The following GSE1 variants were observed in gnomAD, a reference collection of about 807,000 sequenced individuals.
GSE1 encodes the protein genetic suppressor element 1.
Under a neutral mutation model 112.6 loss-of-function variants are expected in GSE1, and 32 were observed. The observed-to-expected ratio is 0.28, with a 90% CI of 0.21 to 0.38. The LOEUF is 0.38. GSE1 is among the 10% of genes least tolerant of loss of function. GSE1 has a pLI of 1.00. For missense variants in GSE1, 2,348 were observed against 1,699.2 expected, an observed-to-expected ratio of 1.38 and a Z score of -6.71; for synonymous variants, 1,115 against 735.6, an observed-to-expected ratio of 1.52 and a Z score of -8.35.
chr16:85,561,323 G>A (rs540816136), intron 1 of GSE1, among the ~76,000 whole-genome samples: 2 of 152,158 alleles, frequency 1.3e-5, no homozygotes, highest in Non-Finnish European at 2.9e-5. Flanking sequence ...GCAGGGCGCC[G>A]ATCCTGGGCA....
chr16:85,333,444 C>T (rs898564868), intron 1 of GSE1, among the ~76,000 whole-genome samples: 23 of 152,336 alleles, frequency 1.5e-4, no homozygotes, highest in African/African-American at 5.5e-4. Flanking sequence ...TCTCTCCTGC[C>T]GGCTCCTCTG....
At chr16:85,624,458 C>A (rs1452317052) in intron 1 of GSE1, among the ~76,000 whole-genome samples, 1 of 152,230 alleles carries the variant, frequency 6.6e-6, no homozygotes, top group Non-Finnish European at 1.5e-5. Context: ...CTATTCCCAG[C>A]CGTGTAGGTC....
intron 1 of GSE1, among the ~76,000 whole-genome samples, chr16:85,244,497 T>C (rs1291430448): frequency 1.3e-5 from 2 of 152,136 alleles, no homozygotes; most frequent in Non-Finnish European, 2.9e-5. Flanking sequence ...AAAATTAATT[T>C]TAGGACACTA....
intron 2 of GSE1, among the ~76,000 whole-genome samples, chr16:85,520,335 G>A (rs916416839): frequency 6.6e-6 from 1 of 152,132 alleles, no homozygotes; most frequent in African/African-American, 2.4e-5. Context: ...TTCAACACAG[G>A]AATTGGAGGC....
chr16:85,611,182 G>A (rs534024952), upstream of GSE1, among the ~76,000 whole-genome samples: 38 of 152,336 alleles, frequency 2.5e-4, no homozygotes, highest in South Asian at 6.4e-3. Context: ...GGTGGGAAAG[G>A]GGTTGGGCCA....
chr16:85,366,043 C>T (rs1048971403), intron 2 of GSE1, among the ~76,000 whole-genome samples: 3 of 152,258 alleles, frequency 2.0e-5, no homozygotes, highest in African/African-American at 7.2e-5. Context: ...ACCAGAAACC[C>T]TGGCCCTGGG....
intron 2 of GSE1, among the ~76,000 whole-genome samples, chr16:85,493,057 G>T (rs188534996): frequency 1.3e-5 from 2 of 152,350 alleles, no homozygotes; most frequent in Admixed American, 6.5e-5. Flanking sequence ...GTGGGGGACA[G>T]CGGAGGCTGG....
intron 1 of GSE1, among the ~76,000 whole-genome samples, chr16:85,631,739 T>A (rs2049554987): frequency 6.6e-6 from 1 of 152,258 alleles, no homozygotes; most frequent in Non-Finnish European, 1.5e-5. Context: ...TCAGCTTTGC[T>A]GTGCTGTTAC....
At chr16:85,521,012 G>A (rs967824709) in intron 2 of GSE1, among the ~76,000 whole-genome samples, 23 of 152,278 alleles carry the variant, frequency 1.5e-4, no homozygotes, top group Non-Finnish European at 1.0e-4. Flanking sequence ...AGTCTCAGCC[G>A]GGGTTGAGGA....
At chr16:85,272,179 C>T (rs1908905411) in intron 1 of GSE1, among the ~76,000 whole-genome samples, 1 of 152,232 alleles carries the variant, frequency 6.6e-6, no homozygotes, top group African/African-American at 2.4e-5. Flanking sequence ...TTCTAACAGG[C>T]TCCGCTTTGG....
rs577378816 is a variant in GSE1, at chr16:85,364,772, C to T, written c.2464+7129C>T. Among the ~76,000 whole-genome samples the T allele has an allele frequency of 3.9e-5, 6 of 152,286 alleles. No homozygotes were observed. The East Asian group carries it at 5.8e-4, about 15-fold the overall frequency. On this transcript the variant is annotated intron_variant, in intron 2 of 2. Coordinates refer to the GSE1 transcript ENST00000637419. ...TGGACCAGCTCACACCCCACCCAGA[C>T]GCACGGGGAGCAGGACAGCAGCCAC...
chr16:85,379,488 G>A (rs1452029109), intron 2 of GSE1, among the ~76,000 whole-genome samples: 1 of 152,176 alleles, frequency 6.6e-6, no homozygotes, highest in Non-Finnish European at 1.5e-5. Context: ...GGTCTCCCTG[G>A]AACATAGTAG....
intron 2 of GSE1, among the ~76,000 whole-genome samples, chr16:85,648,159 C>T (rs1381206666): frequency 6.6e-6 from 1 of 152,044 alleles, no homozygotes; most frequent in African/African-American, 2.4e-5. Flanking sequence ...TTCTCTAACT[C>T]TGGGGCTCCA....
chr16:85,246,494 C>CACACA (rs1567636399), intron 1 of GSE1, among the ~76,000 whole-genome samples: 2 of 79,686 alleles, frequency 2.5e-5, no homozygotes, highest in African/African-American at 4.1e-5. Flanking sequence ...CACACACACT[C>CACACA]TACACACCCC....
Position 85,648,727 on chromosome 16 carries a change from T to C in GSE1, c.402T>C (p.Gly134=). The change falls in exon 3 of 16, where the codon GGT becomes GGC. Residue 134 remains glycine (G), a synonymous_variant. Transcript: ENST00000253458. ...TCGCTCCAACCAAAACCGTGAATGGTGTCTGGAGGAGTGAGAGCCGGCAGG... is the reference window on the plus strand; with the variant it reads ...TCGCTCCAACCAAAACCGTGAATGGCGTCTGGAGGAGTGAGAGCCGGCAGG... ...VTIAPTKTVN[G]VWRSESRQDA... 1 of 1,598,394 alleles carries C rather than the reference T, an allele frequency of 6.3e-7. No individual in the cohort carries two copies. Among genetic ancestry groups the C allele is most frequent in the Non-Finnish European group, 8.5e-7 (1 of 1,173,316 alleles).
chr16:85,613,439 C>T, intron 1 of GSE1, 41 bp downstream of exon 1: 6 of 1,515,178 alleles, frequency 4.0e-6, no homozygotes, highest in African/African-American at 1.4e-5. Flanking sequence ...GTCCTCCCCC[C>T]TCCCCCCACC....
intron 1 of GSE1, among the ~76,000 whole-genome samples, chr16:85,241,147 AGCTGCGTGACCTTGGGCTCG>A (rs200217106): frequency 0.18 from 27,493 of 151,648 alleles, 2,787 homozygotes; most frequent in Middle Eastern, 0.24. Flanking sequence ...GATACTTCCT[AGCTGCGTGACCTTGGGCTCG>A]GCTGCGTGAC....
chr16:85,633,865 G>A (rs1307892036), intron 1 of GSE1, 49 bp from the exon 2 acceptor site: 2 of 1,471,906 alleles, frequency 1.4e-6, no homozygotes, highest in Non-Finnish European at 9.4e-7. Flanking sequence ...TCTGGTGCTG[G>A]GCGCTCCTGC....
intron 1 of GSE1, among the ~76,000 whole-genome samples, 158 bp downstream of exon 1, chr16:85,613,556 G>A (rs2048143327): frequency 1.3e-5 from 2 of 152,048 alleles, no homozygotes; most frequent in African/African-American, 4.8e-5. Flanking sequence ...GGGCGGGCAG[G>A]CGACCAAAGG....
Sources: allele counts gnomAD v4.1 joint callset (sites outside exome capture counted in the v4.1 genomes callset), GRCh38; gene constraint gnomAD v4.1.1; transcripts MANE v1.5; gene names NCBI Gene and HGNC (gene_info 2026-07-23, HGNC 2026-07-21).